The following ADAMTS20 variants were observed in gnomAD, a reference collection of about 807,000 sequenced individuals.
ADAMTS20 encodes A disintegrin and metalloproteinase with thrombospondin motifs 20.
A neutral mutation model predicts 260.1 loss-of-function variants in ADAMTS20; 225 were observed. The ratio of observed to expected loss-of-function variants is 0.87; its 90% confidence interval spans 0.78 to 0.97. The LOEUF (loss-of-function observed/expected upper bound fraction) is 0.97. Among genes scored for constraint, ADAMTS20 ranks in the 50% least tolerant of loss-of-function variants. ADAMTS20 has a pLI of 0.00. For missense variants in ADAMTS20, 2,400 were observed against 2,337.7 expected, an observed-to-expected ratio of 1.03 and a Z score of -0.55; for synonymous variants, 802 against 769.5, an observed-to-expected ratio of 1.04 and a Z score of -0.70.
chr12:43,480,450 G>A (rs1371996233), intron 7 of ADAMTS20, among the ~76,000 whole-genome samples: 1 of 152,160 alleles, frequency 6.6e-6, no homozygotes, highest in Admixed American at 6.5e-5. Flanking sequence ...ATACCCAGGA[G>A]TGGGATTGCT....
At chr12:43,528,439 A>T (rs1178393955) in intron 3 of ADAMTS20, among the ~76,000 whole-genome samples, 1 of 151,548 alleles carries the variant, frequency 6.6e-6, no homozygotes, top group Non-Finnish European at 1.5e-5. Flanking sequence ...TAACCAAAAC[A>T]GTATGGTACT....
At position 43,436,618 on chromosome 12, in the gene ADAMTS20, G is replaced by C. The variant is rs553303225; in HGVS notation, c.2594-2247C>G. On this transcript the variant is annotated intron_variant, in intron 18 of 38. Transcript: ENST00000389420. ...ACATTTCAATAGATTAGCCACACAT[G>C]GCTAGCGGCTACCATATTGCACAGC... Among the ~76,000 whole-genome samples the C allele has an allele frequency of 3.0e-4, 45 of 152,066 alleles. No homozygotes were observed. In the South Asian group the frequency reaches 5.0e-3, roughly 17 times the overall value.
intron 4 of ADAMTS20, among the ~76,000 whole-genome samples, chr12:43,496,479 C>CA (rs1942679215): frequency 6.6e-6 from 1 of 152,214 alleles, no homozygotes; most frequent in Non-Finnish European, 1.5e-5. Flanking sequence ...AACCCTGCTG[C>CA]AACACATCCC....
chr12:43,462,785 A>G (rs1031943827), intron 11 of ADAMTS20, 110 bp downstream of exon 11: 2 of 776,780 alleles, frequency 2.6e-6, no homozygotes, highest in South Asian at 3.6e-5. Context: ...CATTAATTCG[A>G]CTAGCTGAAG....
intron 3 of ADAMTS20, among the ~76,000 whole-genome samples, chr12:43,517,464 C>A (rs1241001413): frequency 6.6e-6 from 1 of 151,910 alleles, no homozygotes; most frequent in Non-Finnish European, 1.5e-5. Flanking sequence ...AGAAAACCCA[C>A]CAAATGCCCA....
chr12:43,444,980 GTTA>G (rs2137335746), intron 15 of ADAMTS20, among the ~76,000 whole-genome samples: 1 of 152,184 alleles, frequency 6.6e-6, no homozygotes, highest in African/African-American at 2.4e-5. Flanking sequence ...CTGGTTGTAG[GTTA>G]TTGACCTACA....
At chr12:43,503,547 C>A (rs1252755767) in intron 3 of ADAMTS20, among the ~76,000 whole-genome samples, 1 of 151,378 alleles carries the variant, frequency 6.6e-6, no homozygotes, top group Admixed American at 6.6e-5. Context: ...AAATTTTATT[C>A]GTCTTATTCT....
At chr12:43,375,980 T>C in intron 35 of ADAMTS20, 77 bp downstream of exon 35, 1 of 1,069,672 alleles carries the variant, frequency 9.3e-7, no homozygotes, top group Non-Finnish European at 1.4e-6. Flanking sequence ...TATTCAAGTA[T>C]CACTCTGAGG....
intron 37 of ADAMTS20, among the ~76,000 whole-genome samples, chr12:43,365,660 G>A (rs1232866155): frequency 6.6e-6 from 1 of 151,800 alleles, no homozygotes; most frequent in Non-Finnish European, 1.5e-5. Flanking sequence ...TTATCTAAAA[G>A]ACATAAAATT....
At chr12:43,416,143 T>C (rs531679394) in intron 28 of ADAMTS20, among the ~76,000 whole-genome samples, 2 of 152,336 alleles carry the variant, frequency 1.3e-5, no homozygotes, top group Admixed American at 6.5e-5. Flanking sequence ...CTTATTCTAC[T>C]CTACCTACAG....
Position 43,492,536 on chromosome 12 carries a change from A to G in ADAMTS20, c.1045T>C (p.Ser349Pro). ...ATAAGAACAGCAGTGTCATGGTGGGAAGGGTGAACATCATCAAGGTCATTC... is the reference window on the plus strand; with the variant it reads ...ATAAGAACAGCAGTGTCATGGTGGGGAGGGTGAACATCATCAAGGTCATTC... Reference protein sequence around the residue: ...TQNDLDDVHPSHHDTAVLITR... With the variant: ...TQNDLDDVHPPHHDTAVLITR... The change falls in exon 6 of 39, where the codon TCC becomes CCC. Residue 349 changes from serine to proline, a missense_variant. By Grantham distance (74) the Ser-to-Pro change is moderately conservative. Coordinates refer to ENST00000389420, the MANE Select transcript of ADAMTS20 (RefSeq NM_025003.5). 1.2e-6 allele frequency: 2 copies of G among 1,613,872 alleles called. No homozygotes were observed. The highest frequency in any genetic ancestry group is 1.7e-6 in the Non-Finnish European group (2 of 1,179,824).
chr12:43,401,487 T>C (rs564338904), intron 28 of ADAMTS20, among the ~76,000 whole-genome samples: 6 of 151,898 alleles, frequency 4.0e-5, no homozygotes, highest in Admixed American at 6.6e-5. Context: ...AAGCATTATC[T>C]ATGAGTGGAA....
chr12:43,432,972 A>C (rs1281766112), intron 19 of ADAMTS20, among the ~76,000 whole-genome samples, 161 bp from the exon 20 acceptor site: 1 of 152,196 alleles, frequency 6.6e-6, no homozygotes, highest in Non-Finnish European at 1.5e-5. Flanking sequence ...TATACTACTG[A>C]CCTCATGCCA....
chr12:43,413,339 A>C (rs905433770), intron 28 of ADAMTS20, among the ~76,000 whole-genome samples: 1 of 152,182 alleles, frequency 6.6e-6, no homozygotes, highest in Non-Finnish European at 1.5e-5. Context: ...ATGATGGGCA[A>C]AATCTACTAT....
At chr12:43,549,499 T>C (rs997636269) in intron 2 of ADAMTS20, among the ~76,000 whole-genome samples, 1 of 152,080 alleles carries the variant, frequency 6.6e-6, no homozygotes, top group Non-Finnish European at 1.5e-5. Context: ...TACATCAACA[T>C]TATGAATCAA....
intron 8 of ADAMTS20, 30 bp downstream of exon 8, chr12:43,468,570 C>T: frequency 1.5e-6 from 2 of 1,296,740 alleles, no homozygotes; most frequent in Admixed American, 1.9e-5. Context: ...AAATAGAATG[C>T]ACATTAAGGA....
At chr12:43,382,279 A>C (rs1284147851) in intron 31 of ADAMTS20, among the ~76,000 whole-genome samples, 2 of 152,210 alleles carry the variant, frequency 1.3e-5, no homozygotes, top group Non-Finnish European at 2.9e-5. Context: ...GTATATTCCT[A>C]CAATGGAATA....
chr12:43,416,906 T>TCTAC (rs1941143405), intron 28 of ADAMTS20, among the ~76,000 whole-genome samples: 1 of 152,186 alleles, frequency 6.6e-6, no homozygotes, highest in South Asian at 2.1e-4. Flanking sequence ...CAAAATCCTA[T>TCTAC]CTACCCATCA....
chr12:43,427,286 T>A, intron 27 of ADAMTS20, 22 bp downstream of exon 27: 2 of 1,609,090 alleles, frequency 1.2e-6, no homozygotes, highest in Non-Finnish European at 1.7e-6. Flanking sequence ...ATCTCACAAG[T>A]TTAGAAAATA....
Sources: gnomAD v4.1 joint callset for allele counts (sites outside exome capture counted in the v4.1 genomes callset) on GRCh38, gnomAD v4.1.1 for gene constraint, MANE v1.5 for transcripts, NCBI Gene and HGNC (gene_info 2026-07-23, HGNC 2026-07-21) for gene names.